The following DEGS2 variants were observed in gnomAD, a reference collection of about 807,000 sequenced individuals.
DEGS2 encodes delta 4-desaturase, sphingolipid 2, also known as sphingolipid delta(4)-desaturase/C4-monooxygenase DES2.
In DEGS2, 19 loss-of-function variants were observed where a neutral mutation model predicts 23.8. The ratio of observed to expected loss-of-function variants is 0.80; its 90% CI spans 0.56 to 1.17. DEGS2 has a LOEUF of 1.17. Ranked by LOEUF, DEGS2 falls within the 50% of genes most tolerant of loss-of-function variation. The pLI is 0.00. For synonymous variants in DEGS2, 218 were observed against 213.7 expected, an observed-to-expected ratio of 1.02 and a Z score of -0.18; for missense variants, 390 against 459.5, an observed-to-expected ratio of 0.85 and a Z score of 1.38.
the DEGS2 span, among the ~76,000 whole-genome samples, chr14:100,166,359 AGCCTGCCCGGGGCTGTGGG>A: frequency 0.013 from 399 of 31,442 alleles, 8 homozygotes; most frequent in Non-Finnish European, 0.017. Flanking sequence ...CTGTGGGGGG[AGCCTGCCCGGGGCTGTGGG>A]GGAGGCTGCT....
chr14:100,149,699 C>A lies in DEGS2; in HGVS notation c.94G>T (p.Ala32Ser). ...RRKEILAKYP[A>S]IKALMRPDPR... is the part of the protein sequence containing the mutation. ...TCTGGCCGCATCAGGGCCTTGATGG[C>A]CGGGTACTTGGCTGCAAGGAAGACA... The change falls in exon 2 of 3, where the codon GCC becomes TCC. Residue 32 changes from alanine (A) to serine (S), a missense_variant. By Grantham distance (99) the Ala-to-Ser change is moderately conservative. Coordinates refer to ENST00000305631, the MANE Select transcript of DEGS2 (RefSeq NM_206918.3). The A allele has an allele frequency of 6.2e-7, 1 of 1,600,842 alleles. No homozygotes were observed. The highest frequency in any genetic ancestry group is 8.5e-7 in the Non-Finnish European group (1 of 1,173,184).
intron 1 of DEGS2, among the ~76,000 whole-genome samples, chr14:100,150,226 G>C (rs925288051): frequency 1.3e-5 from 2 of 152,170 alleles, no homozygotes; most frequent in South Asian, 2.1e-4. Flanking sequence ...CAAGGAAGTC[G>C]CATGCAAAGT....
At chr14:100,156,902 G>A (rs2140425268) in intron 1 of DEGS2, among the ~76,000 whole-genome samples, 1 of 152,334 alleles carries the variant, frequency 6.6e-6, no homozygotes, top group South Asian at 2.1e-4. Context: ...AGGTGGAAAG[G>A]AAGCCCCTGC....
intron 2 of DEGS2, 145 bp downstream of exon 2, chr14:100,148,823 G>A: frequency 1.0e-6 from 1 of 961,304 alleles, no homozygotes; most frequent in Non-Finnish European, 1.5e-6. Context: ...CTCCTGCCCT[G>A]GGGACAAGTG....
chr14:100,151,064 G>T (rs1454934009), intron 1 of DEGS2, among the ~76,000 whole-genome samples: 1 of 151,976 alleles, frequency 6.6e-6, no homozygotes, highest in Non-Finnish European at 1.5e-5. Context: ...TAGTGCAGGC[G>T]GGTCCCAACA....
At position 100,146,757 on chromosome 14, in the gene DEGS2, G is replaced by A. The variant is rs749323026; in HGVS notation, c.*4C>T. ...AATGGCCACCACCAGGAGGCAGCCC[G>A]GGCTCACAGACCATCTTTTGCCAGC... On this transcript the variant is annotated 3_prime_UTR_variant, in exon 3 of 3. Coordinates refer to ENST00000305631, the MANE Select transcript of DEGS2 (RefSeq NM_206918.3). 14 of 1,612,660 alleles carry A rather than the reference G, an allele frequency of 8.7e-6. No individual in the cohort carries two copies. The highest frequency in any genetic ancestry group is 1.6e-4 in the Middle Eastern group (1 of 6,076).
At chr14:100,153,601 T>A (rs968781066) in intron 1 of DEGS2, among the ~76,000 whole-genome samples, 2 of 152,232 alleles carry the variant, frequency 1.3e-5, no homozygotes, top group Non-Finnish European at 1.5e-5. Flanking sequence ...GCCTGGGAAC[T>A]CTGTCCTGCT....
At chr14:100,163,485 TA>T (rs1401470966), upstream of DEGS2, among the ~76,000 whole-genome samples, 3 of 152,048 alleles carry the variant, frequency 2.0e-5, no homozygotes, top group Admixed American at 1.3e-4. Flanking sequence ...CACACCCCTC[TA>T]TTGAAACGGA....
At chr14:100,158,505 T>C (rs1465840057) in intron 1 of DEGS2, among the ~76,000 whole-genome samples, 1 of 152,218 alleles carries the variant, frequency 6.6e-6, no homozygotes, top group African/African-American at 2.4e-5. Flanking sequence ...GGGGTCGCAG[T>C]GAGCCGAGAT....
chr14:100,147,032 C>A, intron 2 of DEGS2, 125 bp from the exon 3 acceptor site: 1 of 1,107,118 alleles, frequency 9.0e-7, no homozygotes, highest in South Asian at 1.5e-5. Flanking sequence ...AACATGTTTG[C>A]GCGCGCGCAC....
At chr14:100,160,785 C>T (rs1196355052), upstream of DEGS2, among the ~76,000 whole-genome samples, 1 of 152,188 alleles carries the variant, frequency 6.6e-6, no homozygotes, top group Non-Finnish European at 1.5e-5. Flanking sequence ...CCTGAGTGAG[C>T]CAGGAAGGAA....
At chr14:100,150,158 G>A (rs1388139948) in intron 1 of DEGS2, among the ~76,000 whole-genome samples, 2 of 152,216 alleles carry the variant, frequency 1.3e-5, no homozygotes, top group African/African-American at 4.8e-5. Context: ...TGTCAGGCAG[G>A]GCAAGGAGGA....
chr14:100,161,200 C>T (rs917267844), upstream of DEGS2, among the ~76,000 whole-genome samples: 1 of 152,326 alleles, frequency 6.6e-6, no homozygotes, highest in South Asian at 2.1e-4. Flanking sequence ...TGAGATCTGC[C>T]GCCCTGAGCC....
chr14:100,144,187 T>C lies in DEGS2; in HGVS notation c.*2574A>G, dbSNP rs114353470. On this transcript the variant is annotated 3_prime_UTR_variant, in exon 3 of 3. Transcript: ENST00000305631. Reference sequence around the variant, plus strand: ...CTCATGGTGTTGAAACTGTCTGTCATGCACCACGGTGTCTGTGTCCACACA... The same window carrying C: ...CTCATGGTGTTGAAACTGTCTGTCACGCACCACGGTGTCTGTGTCCACACA... 471 of 181,752 alleles carry C rather than the reference T, an allele frequency of 2.6e-3. 4 individuals carry two copies. The highest frequency in any genetic ancestry group is 0.01 in the African/African-American group (439 of 42,274). The allele number at this position is 181,752 out of a possible 1,614,324, so 11.3% of individuals were successfully genotyped here.
chr14:100,157,094 G>T (rs545212516), intron 1 of DEGS2, among the ~76,000 whole-genome samples: 1 of 152,328 alleles, frequency 6.6e-6, no homozygotes, highest in Admixed American at 6.5e-5. Flanking sequence ...TTTAGAGAGA[G>T]CTCCTTCCCC....
At chr14:100,158,699 C>T (rs1218647823) in intron 1 of DEGS2, among the ~76,000 whole-genome samples, 2 of 122,588 alleles carry the variant, frequency 1.6e-5, no homozygotes, top group African/African-American at 6.1e-5. Context: ...GCGGGAGGGG[C>T]GGGCCTGTCT....
chr14:100,148,235 A>G (rs1889490304), intron 2 of DEGS2, among the ~76,000 whole-genome samples: 1 of 152,232 alleles, frequency 6.6e-6, no homozygotes, highest in African/African-American at 2.4e-5. Context: ...GCACCCACAC[A>G]TAATCACAGG....
upstream of DEGS2, among the ~76,000 whole-genome samples, chr14:100,163,697 A>G (rs1325668238): frequency 6.6e-6 from 1 of 152,164 alleles, no homozygotes; most frequent in Non-Finnish European, 1.5e-5. Context: ...AAATTATTAT[A>G]GCAGGTACTT....
rs1337149801 is a variant in DEGS2 at position 100,145,634 on chromosome 14, T to C, written c.*1127A>G. ...AGGCAGTGGTGGGAGCTGCATCCAC[T>C]GCTGGATTGCAGTGGGCCCGCTCCA... is the stretch of plus-strand genomic sequence containing the variant. On this transcript the variant is annotated 3_prime_UTR_variant, in exon 3 of 3. Transcript: ENST00000305631. 5 of 152,134 alleles carry C rather than the reference T, an allele frequency of 3.3e-5. No homozygotes were observed. Among genetic ancestry groups the C allele is most frequent in the African/African-American group, 1.2e-4 (5 of 41,416 alleles). The allele number at this position is 152,134 out of a possible 1,614,324, so 9.4% of individuals were successfully genotyped here. A position where few individuals can be genotyped will look rare whatever the true frequency, so the allele number is the denominator to read the frequency against.
Sources: gnomAD v4.1 joint callset for allele counts (sites outside exome capture counted in the v4.1 genomes callset) on GRCh38, gnomAD v4.1.1 for gene constraint, MANE v1.5 for transcripts, NCBI Gene and HGNC (gene_info 2026-07-23, HGNC 2026-07-21) for gene names.